Variants in POLE observed in about 807,000 individuals in gnomAD.
POLE encodes DNA polymerase epsilon, catalytic subunit, also known as DNA polymerase epsilon catalytic subunit A.
A neutral mutation model predicts 279.2 loss-of-function variants in POLE; 188 were observed. The ratio of observed to expected loss-of-function variants is 0.67; its 90% CI spans 0.60 to 0.76. POLE has a LOEUF of 0.76. Among genes scored for constraint, POLE ranks in the 30% least tolerant of loss-of-function variants. The pLI is 0.00. For missense variants in POLE, 2,703 were observed against 3,016.7 expected, an observed-to-expected ratio of 0.90 and a Z score of 2.44; for synonymous variants, 1,214 against 1,172.5, an observed-to-expected ratio of 1.04 and a Z score of -0.72.
At position 132,648,753 on chromosome 12, in the gene POLE, C is replaced by T. The variant is rs5744907; in HGVS notation, c.4149+176G>A. 6.4e-4 allele frequency: 416 copies of T among 646,938 alleles called. 2 individuals are homozygous for T. The African/African-American group carries it at 6.7e-3, about 10-fold the overall frequency. The allele number at this position is 646,938 out of a possible 1,614,324, so 40.1% of individuals were successfully genotyped here. On this transcript the variant is annotated intron_variant, in intron 32 of 48. Coordinates refer to ENST00000320574, the MANE Select transcript of POLE (RefSeq NM_006231.4). ...ACAAGGACACCAGCAGCTCCATTCC[C>T]GGCACTCGCTCTGCCCCAGGCTCGG...
rs999309167 is a variant in POLE, at chr12:132,664,169, A to G, written c.2562-21T>C. The G allele has an allele frequency of 3.1e-6, 5 of 1,612,854 alleles. No individual in the cohort carries two copies. Among genetic ancestry groups the G allele is most frequent in the Non-Finnish European group, 4.2e-6 (5 of 1,179,730 alleles). ...GCCTCCTTCAGAGAAAGAGAGGAGC[A>G]AGGTCGTGAGTTCCCCTTTCCTTTT... On this transcript the variant is annotated intron_variant, in intron 22 of 48. Transcript: ENST00000320574. The surrounding 1 kb of genome is among the most constrained non-coding windows in gnomAD (Gnocchi z 5.3).
intron 38 of POLE, 75 bp from the exon 39 acceptor site, chr12:132,641,926 G>GCCA: frequency 7.1e-7 from 1 of 1,399,284 alleles, no homozygotes; most frequent in Non-Finnish European, 1.0e-6. Flanking sequence ...CCTGACTCCA[G>GCCA]CCACCACCAC....
At chr12:132,652,314 CTTTTTTT>C (rs11449205) in intron 29 of POLE, among the ~76,000 whole-genome samples, 226 of 111,174 alleles carry the variant, frequency 2.0e-3, no homozygotes, top group Middle Eastern at 0.015. Context: ...TTGTAGTTTC[CTTTTTTT>C]TTTTTTTTTT....
At chr12:132,673,040 A>G in intron 14 of POLE, 124 bp downstream of exon 14, 1 of 786,552 alleles carries the variant, frequency 1.3e-6, no homozygotes, top group South Asian at 1.6e-5. Context: ...GTCACACACC[A>G]GAATTCTACT....
chr12:132,672,970 T>G, intron 14 of POLE, 131 bp from the exon 15 acceptor site: 2 of 868,654 alleles, frequency 2.3e-6, no homozygotes, highest in Non-Finnish European at 3.6e-6. Context: ...CTGCAAATTC[T>G]GCCTCCTGTG....
intron 27 of POLE, 145 bp from the exon 28 acceptor site, chr12:132,657,574 A>T: frequency 5.4e-6 from 4 of 735,976 alleles, no homozygotes; most frequent in Non-Finnish European, 9.2e-6. Context: ...ATTGCACAAC[A>T]GAGGACACCA....
chr12:132,673,307 A>G, intron 13 of POLE, 30 bp from the exon 14 acceptor site: 4 of 1,463,840 alleles, frequency 2.7e-6, no homozygotes, highest in Admixed American at 1.7e-5. Context: ...GAGCAGGGCC[A>G]TCAAAAATCA....
At position 132,643,489 on chromosome 12, in the gene POLE, G is replaced by A. The variant is rs115568973; in HGVS notation, c.4362C>T (p.His1454=). The change falls in exon 34 of 49, where the codon CAC becomes CAT. Residue 1454 remains histidine, a synonymous_variant. Coordinates refer to ENST00000320574, the MANE Select transcript of POLE (RefSeq NM_006231.4). The part of the protein sequence containing the change: ...VCVVNKQLVR[H]LSGWEAETFA... The stretch of plus-strand genomic sequence containing the variant: ...AGGTCTCTGCTTCCCAGCCTGAAAG[G>A]TGCCTCACCAGCTGTTTATTGACCA... 2 of 1,614,218 alleles carry A rather than the reference G, an allele frequency of 1.2e-6. No individual in the cohort carries two copies. The highest frequency in any genetic ancestry group is 2.2e-5 in the East Asian group (1 of 44,880).
chr12:132,649,238 C>T, intron 31 of POLE, 68 bp downstream of exon 31: 1 of 1,558,478 alleles, frequency 6.4e-7, no homozygotes, highest in Non-Finnish European at 8.8e-7. Flanking sequence ...ACCTCAGGGC[C>T]CAGCTGGACA....
chr12:132,680,249 G>C, intron 3 of POLE, 27 bp from the exon 4 acceptor site: 1 of 1,606,006 alleles, frequency 6.2e-7, no homozygotes, highest in Non-Finnish European at 8.5e-7. Context: ...ACCCATCCAG[G>C]GGTGATGAGA....
chr12:132,639,534 C>T lies in POLE; in HGVS notation c.5379-236G>A, dbSNP rs1463024448. 1.9e-5 allele frequency among the ~76,000 whole-genome samples: 2 copies of T among 107,014 alleles called. No homozygotes were observed. Among genetic ancestry groups the T allele is most frequent in the East Asian group, 3.3e-4 (1 of 3,070 alleles). The allele number at this position is 107,014 out of a possible 152,430, so 70.2% of individuals were successfully genotyped here. A position where few individuals can be genotyped will look rare whatever the true frequency, so the allele number is the denominator to read the frequency against. Reference sequence around the variant, plus strand: ...TTCCTTAAACTTGTTCAGGCTTCACCGCATCCCAAACTCTGTGTGTTCTAA... The same window carrying T: ...TTCCTTAAACTTGTTCAGGCTTCACTGCATCCCAAACTCTGTGTGTTCTAA... On this transcript the variant is annotated intron_variant, in intron 39 of 48. Coordinates refer to ENST00000320574, the MANE Select transcript of POLE (RefSeq NM_006231.4). This position sits in a 1 kb window ranked among gnomAD's most constrained non-coding sequence, Gnocchi z 4.7.
At chr12:132,627,146 T>A (rs1398864646) in intron 45 of POLE, among the ~76,000 whole-genome samples, 1 of 152,148 alleles carries the variant, frequency 6.6e-6, no homozygotes, top group African/African-American at 2.4e-5. Context: ...CTGGGCATGG[T>A]GGCGGGTGCA....
chr12:132,681,334 T>C (rs187200255), intron 1 of POLE, 55 bp from the exon 2 acceptor site: 1 of 1,557,532 alleles, frequency 6.4e-7, no homozygotes, highest in Non-Finnish European at 8.7e-7. Context: ...TGCTGCTGCT[T>C]CTTTTTTTCT....
At chr12:132,667,687 T>C (rs2135971777) in intron 19 of POLE, 39 bp from the exon 20 acceptor site, 1 of 1,610,476 alleles carries the variant, frequency 6.2e-7, no homozygotes, top group South Asian at 1.1e-5. Context: ...GTGGGTGAGA[T>C]CTCCCAGAGC....
chr12:132,675,534 A>C lies in POLE; in HGVS notation c.1107-17T>G, dbSNP rs1321603621. 2 of 1,613,754 alleles carry C rather than the reference A, an allele frequency of 1.2e-6. No homozygotes were observed. Among genetic ancestry groups the C allele is most frequent in the Admixed American group, 3.3e-5 (2 of 60,018 alleles). On this transcript the variant is annotated splice_polypyrimidine_tract_variant and intron_variant, in intron 11 of 48. Transcript: ENST00000320574. The surrounding 1 kb of genome is among the most constrained non-coding windows in gnomAD (Gnocchi z 4.3). ...ACAAATGGCCTGGGTTGGAAAGAGG[A>C]CAGACAAGCAAGTGGGCAGGTCAGG...
At position 132,642,856 on chromosome 12, in the gene POLE, G is replaced by A. The variant is rs748286441; in HGVS notation, c.4692C>T (p.Ile1564=). Residue 1564 remains isoleucine (I), a synonymous_variant, in exon 36 of 49, where the codon ATC becomes ATT. Transcript: ENST00000320574. ...GCAGGAATCGCTGGATGGCTCTGCAGATGGTCTTCAGGTCAGTTTCTGCCC... is the reference window on the plus strand; with the variant it reads ...GCAGGAATCGCTGGATGGCTCTGCAAATGGTCTTCAGGTCAGTTTCTGCCC... ...EVRAETDLKT[I]CRAIQRFLLA... The A allele has an allele frequency of 6.2e-7, 1 of 1,614,104 alleles. No homozygotes were observed. Among genetic ancestry groups the A allele is most frequent in the Non-Finnish European group, 8.5e-7 (1 of 1,180,008 alleles).
At chr12:132,671,347 T>C (rs772560941) in intron 16 of POLE, among the ~76,000 whole-genome samples, 6 of 146,878 alleles carry the variant, frequency 4.1e-5, no homozygotes, top group Non-Finnish European at 8.9e-5. Flanking sequence ...TCACTGAACA[T>C]GATGTAGTGC....
At chr12:132,651,458 A>T (rs1275784002) in intron 29 of POLE, 1 of 152,248 alleles carries the variant, frequency 6.6e-6, no homozygotes, top group Non-Finnish European at 1.5e-5. Flanking sequence ...TTGCTACTTG[A>T]TGCCACCACA....
chr12:132,642,538 G>T lies in POLE; in HGVS notation c.4920C>A (p.Asp1640Glu), dbSNP rs2042170528. 2 of 1,613,674 alleles carry T rather than the reference G, an allele frequency of 1.2e-6. No individual in the cohort carries two copies. The highest frequency in any genetic ancestry group is 1.1e-5 in the South Asian group (1 of 91,078). ...RRMIRHYLNL[D>E]TCLSQAFEMS... ...TCTCGAAGGCCTGCGACAGGCAGGT[G>T]TCCAGGTTGAGGTAGTGACGGATCA... Residue 1640 changes from aspartate to glutamate, a missense_variant, in exon 37 of 49, where the codon GAC becomes GAA. Around this residue, in one of 5 missense-constraint regions of POLE, gnomAD observed 1,551 missense variants for 1,686.1 expected, o/e 0.92. Coordinates refer to ENST00000320574, the MANE Select transcript of POLE (RefSeq NM_006231.4).
Sources: allele counts gnomAD v4.1 joint callset (sites outside exome capture counted in the v4.1 genomes callset), GRCh38; gene constraint gnomAD v4.1.1; regional missense constraint gnomAD v4.1.1; non-coding constraint Gnocchi (gnomAD v3.1); transcripts MANE v1.5; gene names NCBI Gene and HGNC (gene_info 2026-07-23, HGNC 2026-07-21).